The following EFHB variants were observed in gnomAD, a reference collection of about 807,000 sequenced individuals.
EFHB encodes the protein EF-hand domain family member B, also known as EF-hand domain-containing family member B.
A neutral mutation model predicts 87.2 loss-of-function variants in EFHB; 91 were observed. That is an observed-to-expected ratio of 1.04 (90% CI 0.88 to 1.24). EFHB has a LOEUF of 1.24. Ranked by LOEUF, EFHB falls within the 50% of genes most tolerant of loss-of-function variation. The pLI, the probability that EFHB is intolerant of heterozygous loss-of-function variation, is 0.00. For synonymous variants in EFHB, 325 were observed against 333.6 expected (o/e 0.97, Z 0.28); for missense variants, 1,084 against 998.8 (o/e 1.09, Z -1.15).
intron 2 of EFHB, 141 bp downstream of exon 2, chr3:19,920,364 A>G (rs1196481754): frequency 1.5e-6 from 1 of 684,062 alleles, no homozygotes; most frequent in Non-Finnish European, 2.4e-6. Context: ...AAATCAATAG[A>G]AGGCCTCAAA....
intron 6 of EFHB, 120 bp downstream of exon 6, chr3:19,905,499 AG>A: frequency 1.8e-6 from 2 of 1,120,928 alleles, no homozygotes; most frequent in Non-Finnish European, 2.5e-6. Flanking sequence ...ATTTTTTTCT[AG>A]TCATCTTGTT....
intron 1 of EFHB, among the ~76,000 whole-genome samples, chr3:19,928,065 G>T (rs531216473): frequency 6.6e-6 from 1 of 151,354 alleles, no homozygotes; most frequent in Non-Finnish European, 1.5e-5. Flanking sequence ...ATATACTAGC[G>T]TTACCCTAAT....
intron 9 of EFHB, among the ~76,000 whole-genome samples, chr3:19,893,362 CA>C (rs1694370132): frequency 6.6e-6 from 1 of 152,022 alleles, no homozygotes; most frequent in Non-Finnish European, 1.5e-5. Context: ...CCTTTCCAGA[CA>C]AAAGTTCTAG....
intron 9 of EFHB, among the ~76,000 whole-genome samples, chr3:19,890,927 G>C (rs13322200): frequency 0.029 from 4,370 of 152,152 alleles, 215 homozygotes; most frequent in African/African-American, 0.099. Flanking sequence ...GGCCAACTTG[G>C]ACTAAATGAC....
chr3:19,938,866 A>G (rs1289706307), upstream of EFHB, among the ~76,000 whole-genome samples: 3 of 151,964 alleles, frequency 2.0e-5, no homozygotes, highest in African/African-American at 7.3e-5. Context: ...CAGGGCGTGT[A>G]GTTCCACTCG....
At position 19,905,713 on chromosome 3, in the gene EFHB, A is replaced by G; in HGVS notation, c.1325T>C (p.Phe442Ser). Residue 442 changes from phenylalanine (F) to serine (S), a missense_variant, in exon 6 of 13, where the codon TTC (phenylalanine) becomes TCC (serine). Phe to Ser is a radical substitution (Grantham distance 155). Coordinates refer to ENST00000295824, the MANE Select transcript of EFHB (RefSeq NM_144715.4). ...TACTCCATACACACTACACCTATGG[A>G]AACTTGATGGGTTATACTTTCGGTT... ...AKNRKYNPSS[F>S]HRCSVYGVPT... 1 of 1,613,372 alleles carries G rather than the reference A, an allele frequency of 6.2e-7. No individual in the cohort carries two copies. Among genetic ancestry groups the G allele is most frequent in the Non-Finnish European group, 8.5e-7 (1 of 1,179,474 alleles).
At chr3:19,913,408 G>A (rs1197445202) in intron 5 of EFHB, among the ~76,000 whole-genome samples, 1 of 152,106 alleles carries the variant, frequency 6.6e-6, no homozygotes, top group South Asian at 2.1e-4. Context: ...AACAGTGAAT[G>A]ATGTGAAAAA....
chr3:19,919,643 G>T (rs1421522720), intron 3 of EFHB, among the ~76,000 whole-genome samples, 190 bp downstream of exon 3: 1 of 152,154 alleles, frequency 6.6e-6, no homozygotes, highest in Non-Finnish European at 1.5e-5. Flanking sequence ...TCTTCACACT[G>T]TCTTGGCTGC....
rs1474158851 is a variant in EFHB, at chr3:19,919,842, A to C, written c.987T>G (p.Ile329Met). The C allele has an allele frequency of 1.2e-6, 2 of 1,612,668 alleles. No homozygotes were observed. The highest frequency in any genetic ancestry group is 2.2e-5 in the South Asian group (2 of 90,932). The change falls in exon 3 of 13, where the codon ATT (isoleucine) becomes ATG (methionine). Residue 329 changes from isoleucine to methionine, a missense_variant. Ile to Met is a conservative substitution (Grantham distance 10). Coordinates refer to ENST00000295824, the MANE Select transcript of EFHB (RefSeq NM_144715.4). Reference sequence around the variant, plus strand: ...AAAGAAAATAACTTACCAGTACTGAAATTTTAGATCTAATTCCATGTGTCA... The same window carrying C: ...AAAGAAAATAACTTACCAGTACTGACATTTTAGATCTAATTCCATGTGTCA... Reference protein sequence around the residue: ...PYLTHGIRSKISVLANTLINP... With the variant: ...PYLTHGIRSKMSVLANTLINP...
chr3:19,936,097 A>C (rs1275030173), upstream of EFHB: 2 of 1,327,668 alleles, frequency 1.5e-6, no homozygotes, highest in South Asian at 2.0e-5. Flanking sequence ...AAATCCAAAA[A>C]TATTTTTTTA....
intron 9 of EFHB, among the ~76,000 whole-genome samples, chr3:19,890,111 C>A (rs879430529): frequency 2.6e-5 from 4 of 152,148 alleles, no homozygotes; most frequent in Non-Finnish European, 5.9e-5. Context: ...ATGCTGTCAA[C>A]GATAAATTAC....
chr3:19,907,045 T>TAA (rs553120531), intron 5 of EFHB, among the ~76,000 whole-genome samples: 4 of 140,566 alleles, frequency 2.8e-5, no homozygotes, highest in Non-Finnish European at 6.3e-5. Flanking sequence ...AAAAATAGAT[T>TAA]AAAAAAAAAA....
chr3:19,941,614 T>C (rs1437900605), intron 1 of EFHB: 1 of 152,358 alleles, frequency 6.6e-6, no homozygotes, highest in Non-Finnish European at 1.5e-5. Flanking sequence ...CCTAGCACTT[T>C]GGGAGGCTGA....
intron 1 of EFHB, chr3:19,940,296 A>G (rs1004337977): frequency 8.9e-5 from 25 of 281,952 alleles, no homozygotes; most frequent in Non-Finnish European, 1.3e-4. Context: ...AGAAAGCACC[A>G]TCAGAGGGAG....
At chr3:19,900,079 A>G (rs1694620115) in intron 6 of EFHB, among the ~76,000 whole-genome samples, 1 of 152,096 alleles carries the variant, frequency 6.6e-6, no homozygotes, top group Non-Finnish European at 1.5e-5. Flanking sequence ...TCTCAAAAAA[A>G]TAAAATAAAG....
At chr3:19,913,891 G>A (rs904363540) in intron 5 of EFHB, among the ~76,000 whole-genome samples, 5 of 152,194 alleles carry the variant, frequency 3.3e-5, no homozygotes, top group African/African-American at 1.2e-4. Context: ...CACCTAGAGT[G>A]AACTCATTTT....
At chr3:19,935,439 C>G (rs1408107630), upstream of EFHB, among the ~76,000 whole-genome samples, 1 of 152,028 alleles carries the variant, frequency 6.6e-6, no homozygotes, top group Non-Finnish European at 1.5e-5. Context: ...AGGCTGGGCA[C>G]AGTGGCTCAC....
In EFHB at chr3:19,917,516, T is replaced by C. The variant is rs150179506; in HGVS notation, c.1177+716A>G. Reference sequence around the variant, plus strand: ...ACAAAGAGAGAATTTCTCCACAAAATAAAGAAAGATGGAATTTGAGATCTC... The same window carrying C: ...ACAAAGAGAGAATTTCTCCACAAAACAAAGAAAGATGGAATTTGAGATCTC... On this transcript the variant is annotated intron_variant, in intron 4 of 12. Coordinates refer to ENST00000295824, the MANE Select transcript of EFHB (RefSeq NM_144715.4). Among the ~76,000 whole-genome samples the C allele has an allele frequency of 3.3e-5, 5 of 151,832 alleles. No individual in the cohort carries two copies. The East Asian group carries it at 7.8e-4, about 24-fold the overall frequency.
upstream of EFHB, among the ~76,000 whole-genome samples, chr3:19,938,571 T>C (rs756891508): frequency 1.1e-4 from 17 of 152,222 alleles, no homozygotes; most frequent in Admixed American, 2.0e-4. Flanking sequence ...TTTGAAAATG[T>C]TCATCATAAA....
Sources: gnomAD v4.1 joint callset for allele counts (sites outside exome capture counted in the v4.1 genomes callset) on GRCh38, gnomAD v4.1.1 for gene constraint, MANE v1.5 for transcripts, NCBI Gene and HGNC (gene_info 2026-07-23, HGNC 2026-07-21) for gene names.